SNTG1: variants seen among roughly 807,000 people sequenced by gnomAD.
SNTG1 encodes gamma-1-syntrophin.
A neutral mutation model predicts 74.7 loss-of-function variants in SNTG1; 39 were observed. The ratio of observed to expected loss-of-function variants is 0.52; its 90% CI spans 0.40 to 0.68. The LOEUF is 0.68. Among genes scored for constraint, SNTG1 ranks in the 30% least tolerant of loss-of-function variants. The pLI is 0.00. For synonymous variants in SNTG1, 254 were observed against 217.1 expected (o/e 1.17, Z -1.49); for missense variants, 685 against 609.5 (o/e 1.12, Z -1.30).
chr8:50,483,786 TA>T (rs749499410), intron 8 of SNTG1, among the ~76,000 whole-genome samples: 2 of 152,218 alleles, frequency 1.3e-5, no homozygotes, highest in Admixed American at 6.5e-5. Flanking sequence ...GTGGGTGTGA[TA>T]GGGGTTAGCT....
chr8:50,288,693 T>C (rs1586970066), intron 2 of SNTG1, among the ~76,000 whole-genome samples: 3 of 151,720 alleles, frequency 2.0e-5, no homozygotes, highest in African/African-American at 4.8e-5. Flanking sequence ...ATTAAGGTCA[T>C]CTGGAAAAAA....
At chr8:50,074,831 C>T (rs1821689908) in intron 1 of SNTG1, among the ~76,000 whole-genome samples, 1 of 152,074 alleles carries the variant, frequency 6.6e-6, no homozygotes, top group South Asian at 2.1e-4. Context: ...CCAGAGCCAA[C>T]TCCCTCTGCT....
intron 11 of SNTG1, among the ~76,000 whole-genome samples, chr8:50,550,761 T>C (rs1030470488): frequency 6.6e-6 from 1 of 152,110 alleles, no homozygotes; most frequent in Non-Finnish European, 1.5e-5. Context: ...GCTGTAAAAG[T>C]TTAATGTCTC....
At chr8:50,411,942 A>G (rs2092954794) in intron 4 of SNTG1, among the ~76,000 whole-genome samples, 1 of 152,132 alleles carries the variant, frequency 6.6e-6, no homozygotes, top group Admixed American at 6.5e-5. Flanking sequence ...CCCAGGGACT[A>G]CTGCCTGTGT....
intron 2 of SNTG1, among the ~76,000 whole-genome samples, chr8:50,199,290 T>G (rs2083897241): frequency 6.6e-6 from 1 of 151,234 alleles, no homozygotes; most frequent in Non-Finnish European, 1.5e-5. Flanking sequence ...CAATCTCGGC[T>G]CACTGCAACC....
chr8:50,434,158 C>A (rs1311369742), intron 4 of SNTG1, among the ~76,000 whole-genome samples: 1 of 151,404 alleles, frequency 6.6e-6, no homozygotes, highest in Admixed American at 6.6e-5. Flanking sequence ...TTTGTCCTTG[C>A]CATAGTTTGC....
intron 2 of SNTG1, among the ~76,000 whole-genome samples, chr8:50,330,778 G>A (rs2090932060): frequency 6.6e-6 from 1 of 152,142 alleles, no homozygotes; most frequent in South Asian, 2.1e-4. Context: ...CGAGGTGGCA[G>A]GACAGACAGC....
At chr8:50,038,697 A>G (rs1818366869) in intron 1 of SNTG1, among the ~76,000 whole-genome samples, 1 of 152,154 alleles carries the variant, frequency 6.6e-6, no homozygotes, top group African/African-American at 2.4e-5. Flanking sequence ...ATAATTCTAG[A>G]CACAAAAATC....
Position 50,690,459 on chromosome 8 carries a change from G to A in SNTG1, c.1039-14141G>A, listed in dbSNP as rs186481201. Among the ~76,000 whole-genome samples, 466 of 152,110 alleles carry A rather than the reference G, an allele frequency of 3.1e-3. 4 individuals carry two copies. Among genetic ancestry groups the A allele is most frequent in the Admixed American group, 0.025 (381 of 15,266 alleles). ...TCTGGTATGTTGTGTCTTTGTTCTC[G>A]TTGCTTTCAAAGAACATCTTTATTT... On this transcript the variant is annotated intron_variant, in intron 15 of 18. Transcript: ENST00000642720.
chr8:50,152,869 G>T (rs2082117476), intron 1 of SNTG1, among the ~76,000 whole-genome samples: 1 of 152,108 alleles, frequency 6.6e-6, no homozygotes, highest in Admixed American at 6.6e-5. Context: ...TGGTGAATCT[G>T]CCAATTATGT....
At chr8:50,261,388 T>A (rs1206234246) in intron 2 of SNTG1, among the ~76,000 whole-genome samples, 1 of 152,176 alleles carries the variant, frequency 6.6e-6, no homozygotes, top group Non-Finnish European at 1.5e-5. Context: ...TAGCCCTATC[T>A]TACAATGAAT....
At chr8:50,027,463 T>C (rs1302781431) in intron 1 of SNTG1, among the ~76,000 whole-genome samples, 2 of 152,104 alleles carry the variant, frequency 1.3e-5, no homozygotes, top group African/African-American at 2.4e-5. Context: ...TTTGTAGACA[T>C]AGTTAAGATG....
chr8:50,461,344 T>G (rs905216701), intron 8 of SNTG1, among the ~76,000 whole-genome samples: 8 of 152,110 alleles, frequency 5.3e-5, no homozygotes, highest in Admixed American at 4.6e-4. Flanking sequence ...TGAGATAGAG[T>G]TTTTCAGAAT....
intron 1 of SNTG1, among the ~76,000 whole-genome samples, chr8:50,092,962 C>G (rs940443126): frequency 2.6e-5 from 4 of 152,082 alleles, no homozygotes; most frequent in African/African-American, 9.7e-5. Flanking sequence ...AAAAGGAAAG[C>G]ACTGTGGCTG....
chr8:50,546,455 A>G (rs1025433378), intron 11 of SNTG1, among the ~76,000 whole-genome samples: 1 of 151,962 alleles, frequency 6.6e-6, no homozygotes, highest in Admixed American at 6.6e-5. Context: ...ACATGTATAC[A>G]TGTGCCGTGT....
intron 1 of SNTG1, among the ~76,000 whole-genome samples, chr8:50,114,087 T>C (rs899328891): frequency 2.0e-5 from 3 of 152,106 alleles, no homozygotes; most frequent in Non-Finnish European, 2.9e-5. Flanking sequence ...ATATTCGACA[T>C]AATAACTAAC....
At chr8:50,098,372 T>C (rs758670023) in intron 1 of SNTG1, among the ~76,000 whole-genome samples, 1 of 152,204 alleles carries the variant, frequency 6.6e-6, no homozygotes, top group South Asian at 2.1e-4. Context: ...ATTGAAAAAC[T>C]AAATTGCATC....
intron 2 of SNTG1, among the ~76,000 whole-genome samples, chr8:50,324,732 G>T (rs1047759675): frequency 2.6e-5 from 4 of 151,748 alleles, no homozygotes; most frequent in Admixed American, 2.0e-4. Flanking sequence ...GTCAATTGTA[G>T]AGCAGATATG....
At chr8:50,243,953 A>G (rs192574788) in intron 2 of SNTG1, among the ~76,000 whole-genome samples, 84 of 152,256 alleles carry the variant, frequency 5.5e-4, no homozygotes, top group Middle Eastern at 3.4e-3. Flanking sequence ...AATATATTAG[A>G]CCATTCTTGC....
Sources: allele counts gnomAD v4.1 joint callset (sites outside exome capture counted in the v4.1 genomes callset), GRCh38; gene constraint gnomAD v4.1.1; transcripts MANE v1.5; gene names NCBI Gene and HGNC (gene_info 2026-07-23, HGNC 2026-07-21).